Variants in GABRA4 observed in about 807,000 individuals in gnomAD.
GABRA4 encodes gamma-aminobutyric acid type A receptor subunit alpha4.
Under a neutral mutation model 49.7 loss-of-function variants are expected in GABRA4, and 12 were observed. The observed-to-expected ratio is 0.24, with a 90% CI of 0.15 to 0.39. The LOEUF (loss-of-function observed/expected upper bound fraction) is 0.39, where lower values mean the gene tolerates loss of function less well. GABRA4 is among the 10% of genes least tolerant of loss of function. The pLI, the probability that GABRA4 is intolerant of heterozygous loss-of-function variation, is 1.00. For missense variants in GABRA4, 506 were observed against 686.0 expected (o/e 0.74, Z 2.93); for synonymous variants, 288 against 240.2 (o/e 1.20, Z -1.84).
rs749094491 is a variant in GABRA4 at position 46,928,320 on chromosome 4, T to A, written c.1570A>T (p.Ile524Phe). ...GTSKIDKYARILFPVTFGAFN... is the reference protein window; with the variant it reads ...GTSKIDKYARFLFPVTFGAFN... ...GCCCCAAATGTGACTGGAAAGAGAA[T>A]ACGGGCATATTTGTCTATTTTACTT... Residue 524 changes from isoleucine to phenylalanine, a missense_variant, in exon 9 of 9, where the codon ATT (isoleucine) becomes TTT (phenylalanine). Physicochemically the swap from Ile to Phe is conservative, Grantham distance 21. Around this residue, in one of 5 missense-constraint regions of GABRA4, gnomAD observed 6 missense variants for 21.6 expected, o/e 0.28. Transcript: ENST00000264318. 3.1e-6 allele frequency: 5 copies of A among 1,613,440 alleles called. No individual in the cohort carries two copies. Among genetic ancestry groups the A allele is most frequent in the Non-Finnish European group, 4.2e-6 (5 of 1,179,648 alleles).
In GABRA4 at chr4:46,981,068, G is replaced by A. The variant is rs918246608; in HGVS notation, c.206-1970C>T. 2.2e-4 allele frequency among the ~76,000 whole-genome samples: 33 copies of A among 152,128 alleles called. 1 individual carries two copies. Among genetic ancestry groups the A allele is most frequent in the African/African-American group, 7.2e-4 (30 of 41,540 alleles). ...ATTGTTGAACTCCACACCCTGATAC[G>A]CTGATTTAGTACTAGGCATAAGGTG... On this transcript the variant is annotated intron_variant, in intron 2 of 8. Coordinates refer to ENST00000264318, the MANE Select transcript of GABRA4 (RefSeq NM_000809.4).
Position 46,921,373 on chromosome 4 carries a change from G to A in GABRA4, c.*6852C>T, listed in dbSNP as rs1191987296. ...CGACTGAAAAGTAAAGCCCAAGAGG[G>A]AAAAATGAAAATACAAAGGAAAGGG... On this transcript the variant is annotated 3_prime_UTR_variant, in exon 9 of 9. Coordinates refer to ENST00000264318, the MANE Select transcript of GABRA4 (RefSeq NM_000809.4). 6.6e-6 allele frequency: 1 copy of A among 151,844 alleles called. No individual in the cohort carries two copies. Among genetic ancestry groups the A allele is most frequent in the African/African-American group, 2.4e-5 (1 of 41,404 alleles). 9.4% of individuals were successfully genotyped at this position (151,844 alleles called of 1,614,324 possible). A position where few individuals can be genotyped will look rare whatever the true frequency, so the allele number is the denominator to read the frequency against.
At chr4:46,955,014 C>T (rs1412318393) in intron 8 of GABRA4, among the ~76,000 whole-genome samples, 1 of 151,102 alleles carries the variant, frequency 6.6e-6, no homozygotes, top group Non-Finnish European at 1.5e-5. Flanking sequence ...AAGCAACTAG[C>T]ACAGTATGTA....
chr4:46,958,288 A>G (rs1360971053), intron 8 of GABRA4, among the ~76,000 whole-genome samples: 1 of 151,946 alleles, frequency 6.6e-6, no homozygotes, highest in Non-Finnish European at 1.5e-5. Flanking sequence ...CACATAAAGC[A>G]CATTATATAG....
rs145042590 is a variant in GABRA4 at position 46,939,211 on chromosome 4, G to A, written c.1135-10456C>T. Among the ~76,000 whole-genome samples, 685 of 152,090 alleles carry A rather than the reference G, an allele frequency of 4.5e-3. 6 individuals are homozygous for A. The highest frequency in any genetic ancestry group is 0.016 in the African/African-American group (665 of 41,534). On this transcript the variant is annotated intron_variant, in intron 8 of 8. Coordinates refer to ENST00000264318, the MANE Select transcript of GABRA4 (RefSeq NM_000809.4). ...CGTCAACAGAAATTTGAGGTTTCTTGAAGATATTCTAAATTTCCCTTCTCT... is the reference window on the plus strand; with the variant it reads ...CGTCAACAGAAATTTGAGGTTTCTTAAAGATATTCTAAATTTCCCTTCTCT...
chr4:46,975,985 G>A (rs1008023202), intron 5 of GABRA4, among the ~76,000 whole-genome samples: 2 of 151,882 alleles, frequency 1.3e-5, no homozygotes, highest in Non-Finnish European at 2.9e-5. Context: ...TAAGCAATGA[G>A]CGATGATAAC....
At position 46,972,859 on chromosome 4, in the gene GABRA4, T is replaced by C. The variant is rs528465295; in HGVS notation, c.721+1373A>G. 1.6e-4 allele frequency among the ~76,000 whole-genome samples: 24 copies of C among 151,806 alleles called. 1 individual carries two copies. Among genetic ancestry groups the C allele is most frequent in the African/African-American group, 5.1e-4 (21 of 41,480 alleles). Reference sequence around the variant, plus strand: ...TCACAACACTGCTTTATCCATTTTTTCTTAAAACAAAAACAAAAAAAAACT... The same window carrying C: ...TCACAACACTGCTTTATCCATTTTTCCTTAAAACAAAAACAAAAAAAAACT... On this transcript the variant is annotated intron_variant, in intron 6 of 8. Coordinates refer to ENST00000264318, the MANE Select transcript of GABRA4 (RefSeq NM_000809.4).
intron 2 of GABRA4, among the ~76,000 whole-genome samples, chr4:46,987,029 G>A (rs768471849): frequency 6.6e-6 from 1 of 152,108 alleles, no homozygotes; most frequent in Non-Finnish European, 1.5e-5. Context: ...CTGACTGCCT[G>A]TTCTGAACAC....
chr4:46,952,123 G>A (rs1240943452), intron 8 of GABRA4, among the ~76,000 whole-genome samples: 1 of 151,990 alleles, frequency 6.6e-6, no homozygotes, highest in Non-Finnish European at 1.5e-5. Flanking sequence ...AGACTAGAGA[G>A]TATAAAGAAA....
At chr4:46,963,226 A>G (rs1722642228) in intron 8 of GABRA4, among the ~76,000 whole-genome samples, 1 of 151,842 alleles carries the variant, frequency 6.6e-6, no homozygotes, top group African/African-American at 2.4e-5. Flanking sequence ...CAGAATATAT[A>G]AAGAGGTCAA....
intron 6 of GABRA4, 141 bp from the exon 7 acceptor site, chr4:46,971,376 G>A (rs1722943307): frequency 4.2e-6 from 3 of 717,614 alleles, no homozygotes; most frequent in Non-Finnish European, 7.2e-6. Context: ...ACATCAATAA[G>A]TATGTAGTTT....
intron 8 of GABRA4, among the ~76,000 whole-genome samples, chr4:46,960,187 T>C (rs893056012): frequency 1.1e-4 from 16 of 151,690 alleles, no homozygotes; most frequent in African/African-American, 3.9e-4. Flanking sequence ...TATATGGGAA[T>C]AAACAATAAC....
chr4:46,939,497 T>C (rs1721719050), intron 8 of GABRA4, among the ~76,000 whole-genome samples: 1 of 151,958 alleles, frequency 6.6e-6, no homozygotes, highest in Non-Finnish European at 1.5e-5. Context: ...GTTGAGCACC[T>C]CTCTCTCCCA....
Position 46,927,869 on chromosome 4 carries a change from G to T in GABRA4, c.*356C>A, listed in dbSNP as rs192108751. 4.2e-4 allele frequency: 73 copies of T among 173,100 alleles called. No individual in the cohort carries two copies. The highest frequency in any genetic ancestry group is 1.7e-3 in the African/African-American group (70 of 41,740). 10.7% of individuals were successfully genotyped at this position (173,100 alleles called of 1,614,324 possible). ...GCCACTGGGAAATTTAGGGTGGCAG[G>T]TTGATACTCATAGGGCAGATTTTTA... On this transcript the variant is annotated 3_prime_UTR_variant, in exon 9 of 9. Transcript: ENST00000264318.
chr4:46,978,687 CAAAAA>C (rs71193889), intron 3 of GABRA4, among the ~76,000 whole-genome samples: 1,976 of 21,504 alleles, frequency 0.092, 6 homozygotes, highest in Middle Eastern at 0.19. Context: ...AACTTCATCT[CAAAAA>C]AAAAAAAAAA....
intron 8 of GABRA4, among the ~76,000 whole-genome samples, chr4:46,937,858 C>G (rs1479495494): frequency 6.6e-6 from 1 of 152,058 alleles, no homozygotes; most frequent in Non-Finnish European, 1.5e-5. Context: ...CTTCTTCAAC[C>G]ACCAAATATT....
At chr4:46,971,816 C>G (rs1377199494) in intron 6 of GABRA4, among the ~76,000 whole-genome samples, 1 of 150,484 alleles carries the variant, frequency 6.6e-6, no homozygotes, top group Non-Finnish European at 1.5e-5. Context: ...TCTAAATGTT[C>G]TTTATATGAA....
At chr4:46,946,966 T>C (rs1722003869) in intron 8 of GABRA4, among the ~76,000 whole-genome samples, 1 of 152,088 alleles carries the variant, frequency 6.6e-6, no homozygotes, top group African/African-American at 2.4e-5. Flanking sequence ...TGCTGGTCTC[T>C]TGGTTTTAAA....
intron 7 of GABRA4, among the ~76,000 whole-genome samples, 169 bp downstream of exon 7, chr4:46,970,914 C>T (rs1488583184): frequency 1.3e-5 from 2 of 151,524 alleles, no homozygotes; most frequent in African/African-American, 2.4e-5. Flanking sequence ...ATGCCCAAAT[C>T]TCCCCAAGCT....
Sources: allele counts gnomAD v4.1 joint callset (sites outside exome capture counted in the v4.1 genomes callset), GRCh38; gene constraint gnomAD v4.1.1; regional missense constraint gnomAD v4.1.1; transcripts MANE v1.5; gene names NCBI Gene and HGNC (gene_info 2026-07-23, HGNC 2026-07-21).